UTRN: variants seen among roughly 807,000 people sequenced by gnomAD.
The protein encoded by UTRN is utrophin, also known as dystrophin-related protein 1.
In UTRN, 283 loss-of-function variants were observed where a neutral mutation model predicts 463.9. That is an observed-to-expected ratio of 0.61 (90% CI 0.55 to 0.67). The LOEUF is 0.67. Among genes scored for constraint, UTRN ranks in the 30% least tolerant of loss-of-function variants. The pLI, the probability that UTRN is intolerant of heterozygous loss-of-function variation, is 0.00. For synonymous variants in UTRN, 1,442 were observed against 1,431.5 expected (o/e 1.01, Z -0.17); for missense variants, 3,922 against 4,084.3 (o/e 0.96, Z 1.08).
Position 144,439,746 on chromosome 6 carries a change from G to A in UTRN, c.1393-606G>A, listed in dbSNP as rs190610741. Among the ~76,000 whole-genome samples, 533 of 152,166 alleles carry A rather than the reference G, an allele frequency of 3.5e-3. 5 individuals carry two copies. The highest frequency in any genetic ancestry group is 5.2e-3 in the Non-Finnish European group (351 of 67,996). On this transcript the variant is annotated intron_variant, in intron 12 of 74. Transcript: ENST00000367545. ...TTGAACTCCTGACCTCAAGTGATCC[G>A]CCTGCCTTGGGTTCCCAAAGTGCTG...
At position 144,473,755 on chromosome 6, in the gene UTRN, C is replaced by T. The variant is rs1790906316; in HGVS notation, c.3102C>T (p.Gly1034=). 6 of 1,613,990 alleles carry T rather than the reference C, an allele frequency of 3.7e-6. No individual in the cohort carries two copies. The highest frequency in any genetic ancestry group is 2.7e-5 in the African/African-American group (2 of 75,010). Reference sequence around the variant, plus strand: ...CAGTCATTGAGAAGTGGATGGATGGCGTGAAAGACTTCTTAATGAAACAGC... The same window carrying T: ...CAGTCATTGAGAAGTGGATGGATGGTGTGAAAGACTTCTTAATGAAACAGC... ...DSTVIEKWMD[G]VKDFLMKQQA... Residue 1034 remains glycine, a synonymous_variant, in exon 24 of 75, where the codon GGC becomes GGT. Transcript: ENST00000367545.
At chr6:144,464,009 A>G (rs970708390) in intron 23 of UTRN, among the ~76,000 whole-genome samples, 5 of 151,660 alleles carry the variant, frequency 3.3e-5, no homozygotes, top group Non-Finnish European at 2.9e-5. Context: ...ATCTACATAT[A>G]TTTGGATCTA....
intron 53 of UTRN, among the ~76,000 whole-genome samples, chr6:144,717,583 T>C (rs1329615120): frequency 6.6e-6 from 1 of 152,012 alleles, no homozygotes; most frequent in East Asian, 1.9e-4. Flanking sequence ...GGCTTTATCT[T>C]GGAGAATCAC....
At chr6:144,455,870 A>G (rs1405171058) in intron 19 of UTRN, among the ~76,000 whole-genome samples, 1 of 152,202 alleles carries the variant, frequency 6.6e-6, no homozygotes, top group African/African-American at 2.4e-5. Flanking sequence ...ATGGGTCCTA[A>G]ATAGACACAT....
intron 2 of UTRN, among the ~76,000 whole-genome samples, chr6:144,385,005 T>C (rs952910377): frequency 3.9e-5 from 6 of 152,282 alleles, no homozygotes; most frequent in African/African-American, 1.2e-4. Context: ...TTGAGGGAAA[T>C]GCTAAAGTTT....
At chr6:144,775,363 G>A (rs1775230702) in intron 60 of UTRN, among the ~76,000 whole-genome samples, 2 of 152,134 alleles carry the variant, frequency 1.3e-5, no homozygotes, top group Admixed American at 1.3e-4. Flanking sequence ...TGGAAGAGAA[G>A]TCTACAGGGC....
intron 17 of UTRN, among the ~76,000 whole-genome samples, chr6:144,450,931 G>A (rs2128556957): frequency 6.6e-6 from 1 of 152,228 alleles, no homozygotes; most frequent in South Asian, 2.1e-4. Flanking sequence ...TGGCCAACAT[G>A]GTGAAACTCT....
chr6:144,497,720 G>A (rs1793797186), intron 33 of UTRN, among the ~76,000 whole-genome samples: 1 of 151,854 alleles, frequency 6.6e-6, no homozygotes, highest in South Asian at 2.1e-4. Flanking sequence ...GAAATCACAG[G>A]TATGTATTGG....
At chr6:144,636,295 A>G (rs971666422) in intron 51 of UTRN, among the ~76,000 whole-genome samples, 5 of 152,170 alleles carry the variant, frequency 3.3e-5, no homozygotes, top group African/African-American at 1.2e-4. Context: ...ACAGGAACAG[A>G]AAACCAAACC....
intron 59 of UTRN, among the ~76,000 whole-genome samples, chr6:144,772,410 T>A (rs1266108210): frequency 6.6e-6 from 1 of 152,128 alleles, no homozygotes; most frequent in African/African-American, 2.4e-5. Flanking sequence ...TCATTGACAT[T>A]TAAAAGTAGT....
At chr6:144,748,027 CTG>C (rs1204074713) in intron 54 of UTRN, among the ~76,000 whole-genome samples, 1 of 152,114 alleles carries the variant, frequency 6.6e-6, no homozygotes, top group Non-Finnish European at 1.5e-5. Context: ...ATCTCAGTAA[CTG>C]TTTTATTATC....
At chr6:144,541,370 G>C (rs1797964481) in intron 45 of UTRN, among the ~76,000 whole-genome samples, 1 of 152,164 alleles carries the variant, frequency 6.6e-6, no homozygotes, top group Non-Finnish European at 1.5e-5. Flanking sequence ...TTAACACAAA[G>C]GGTATCAGTG....
intron 65 of UTRN, among the ~76,000 whole-genome samples, chr6:144,819,216 TA>T (rs1779349439): frequency 6.6e-6 from 1 of 152,222 alleles, no homozygotes; most frequent in South Asian, 2.1e-4. Context: ...AAATGATAAG[TA>T]GCTGCGGCTT....
chr6:144,612,671 G>C (rs1805647238), intron 51 of UTRN, among the ~76,000 whole-genome samples: 1 of 152,088 alleles, frequency 6.6e-6, no homozygotes, highest in East Asian at 1.9e-4. Context: ...ACCCCAGTTA[G>C]AATGGCTGTT....
At chr6:144,514,516 G>A in intron 36 of UTRN, 134 bp from the exon 37 acceptor site, 1 of 899,704 alleles carries the variant, frequency 1.1e-6, no homozygotes, top group South Asian at 1.7e-5. Flanking sequence ...GCTCTCACCT[G>A]GTTGATTATG....
intron 72 of UTRN, among the ~76,000 whole-genome samples, chr6:144,839,708 C>G (rs1290689955): frequency 1.3e-5 from 2 of 152,104 alleles, no homozygotes; most frequent in African/African-American, 4.8e-5. Context: ...TTTCTTCGTC[C>G]TAGTCCACTT....
chr6:144,584,720 G>A (rs1562607516), intron 51 of UTRN, among the ~76,000 whole-genome samples: 1 of 151,902 alleles, frequency 6.6e-6, no homozygotes, highest in Admixed American at 6.6e-5. Flanking sequence ...TCAGGTAGTG[G>A]GGTATTCTTT....
intron 61 of UTRN, among the ~76,000 whole-genome samples, chr6:144,785,669 G>A (rs2128740656): frequency 6.6e-6 from 1 of 152,230 alleles, no homozygotes; most frequent in East Asian, 1.9e-4. Context: ...TGGTTGCTGT[G>A]TGAGTTGGCA....
intron 53 of UTRN, among the ~76,000 whole-genome samples, chr6:144,723,595 A>G (rs1202049675): frequency 1.1e-4 from 17 of 152,200 alleles, no homozygotes; most frequent in Admixed American, 6.5e-4. Context: ...TGTTAGAGGA[A>G]TAGGAAGTGC....
Sources: allele counts gnomAD v4.1 joint callset (sites outside exome capture counted in the v4.1 genomes callset), GRCh38; gene constraint gnomAD v4.1.1; transcripts MANE v1.5; gene names NCBI Gene and HGNC (gene_info 2026-07-23, HGNC 2026-07-21).